Variants in CPEB4 observed in about 807,000 individuals in gnomAD.
The protein encoded by CPEB4 is cytoplasmic polyadenylation element binding protein 4.
A neutral mutation model predicts 72.5 loss-of-function variants in CPEB4; 12 were observed. The ratio of observed to expected loss-of-function variants is 0.17; its 90% CI spans 0.11 to 0.27. CPEB4 has a LOEUF of 0.27. Ranked by LOEUF, CPEB4 falls within the 10% of genes least tolerant of loss-of-function variation. The pLI is 1.00. For synonymous variants in CPEB4, 302 were observed against 326.3 expected, an observed-to-expected ratio of 0.93 and a Z score of 0.80; for missense variants, 614 against 908.5, an observed-to-expected ratio of 0.68 and a Z score of 4.17.
intron 2 of CPEB4, among the ~76,000 whole-genome samples, chr5:173,927,386 G>A (rs1381777872): frequency 6.6e-6 from 1 of 152,232 alleles, no homozygotes; most frequent in East Asian, 1.9e-4. Context: ...GGGCTTTAAT[G>A]TAAAAGAGGT....
At chr5:173,906,524 A>G (rs1435624201) in intron 1 of CPEB4, among the ~76,000 whole-genome samples, 1 of 152,232 alleles carries the variant, frequency 6.6e-6, no homozygotes, top group Non-Finnish European at 1.5e-5. Context: ...GGGGAAGAAT[A>G]CATATTAGAC....
At chr5:173,913,062 T>C (rs1756724206) in intron 2 of CPEB4, among the ~76,000 whole-genome samples, 1 of 152,198 alleles carries the variant, frequency 6.6e-6, no homozygotes, top group Non-Finnish European at 1.5e-5. Context: ...AATCATTTTC[T>C]AAGTGCCTAT....
Position 173,889,584 on chromosome 5 carries a change from AAGGT to A in CPEB4, c.-149_-146del, listed in dbSNP as rs1277962793. On this transcript the variant is annotated 5_prime_UTR_variant, in exon 1 of 10. Transcript: ENST00000265085. ...CCAGAATTCCAAATCAGAACAATTT[AAGGT>A]GATAAGCTGCGATCTTTGAGCTAGC... 1 of 640,136 alleles carries A rather than the reference AAGGT, an allele frequency of 1.6e-6. No individual in the cohort carries two copies. The highest frequency in any genetic ancestry group is 1.8e-5 in the African/African-American group (1 of 54,090). The allele number at this position is 640,136 out of a possible 1,614,324, so 39.7% of individuals were successfully genotyped here.
At chr5:173,939,957 A>G (rs1347576088) in intron 3 of CPEB4, among the ~76,000 whole-genome samples, 1 of 101,084 alleles carries the variant, frequency 9.9e-6, no homozygotes, top group African/African-American at 2.9e-5. Flanking sequence ...AATAAAATAC[A>G]AAAAAAAAAA....
intron 1 of CPEB4, among the ~76,000 whole-genome samples, chr5:173,906,959 A>G (rs1756458466): frequency 1.3e-5 from 2 of 152,224 alleles, no homozygotes; most frequent in Admixed American, 1.3e-4. Flanking sequence ...AATTCCATTC[A>G]TAATACCACA....
chr5:173,921,989 T>C (rs1043975765), intron 2 of CPEB4, among the ~76,000 whole-genome samples: 2 of 152,174 alleles, frequency 1.3e-5, no homozygotes, highest in African/African-American at 4.8e-5. Context: ...TTTGTGGTCT[T>C]CATTTTACAG....
At chr5:173,945,243 GC>G (rs1757980130) in intron 5 of CPEB4, 103 bp downstream of exon 5, 1 of 946,236 alleles carries the variant, frequency 1.1e-6, no homozygotes, top group Non-Finnish European at 1.6e-6. Flanking sequence ...CCAATAGTCA[GC>G]CCTGCTTGCA....
Position 173,899,663 on chromosome 5 carries a change from C to A in CPEB4, c.1125+8805C>A, listed in dbSNP as rs543992065. On this transcript the variant is annotated intron_variant, in intron 1 of 9. Transcript: ENST00000265085. ...CACTTCTGTGGACTTGTGGGCAAGA[C>A]CTCTGAAAGGAAAGATGAGTGAGAG... Among the ~76,000 whole-genome samples, 12 of 152,264 alleles carry A rather than the reference C, an allele frequency of 7.9e-5. No individual in the cohort carries two copies. The East Asian group carries it at 2.3e-3, about 29-fold the overall frequency.
intron 2 of CPEB4, among the ~76,000 whole-genome samples, chr5:173,913,320 C>T (rs1429334419): frequency 1.3e-5 from 2 of 152,056 alleles, no homozygotes; most frequent in Non-Finnish European, 2.9e-5. Context: ...GTCTCAGCCT[C>T]CCAAGCAGCT....
chr5:173,950,239 G>A lies in CPEB4; in HGVS notation c.1665+161G>A, dbSNP rs1252788948. On this transcript the variant is annotated intron_variant, in intron 7 of 9. Transcript: ENST00000265085. The surrounding 1 kb of genome is among the most constrained non-coding windows in gnomAD (Gnocchi z 5.0). ...GTGAAGTTCTTAACATTGACATTCT[G>A]TGTATTTGCACATCTCAATTTGACA... Among the ~76,000 whole-genome samples, 1 of 152,184 alleles carries A rather than the reference G, an allele frequency of 6.6e-6. No homozygotes were observed. The highest frequency in any genetic ancestry group is 1.5e-5 in the Non-Finnish European group (1 of 68,038).
At chr5:173,954,169 G>C (rs185914011) in intron 9 of CPEB4, among the ~76,000 whole-genome samples, 23 of 152,094 alleles carry the variant, frequency 1.5e-4, no homozygotes, top group Non-Finnish European at 3.2e-4. Flanking sequence ...TGATTTTATC[G>C]TGTTGTTCTC....
intron 1 of CPEB4, among the ~76,000 whole-genome samples, chr5:173,903,574 A>G (rs1756316822): frequency 6.6e-6 from 1 of 152,210 alleles, no homozygotes; most frequent in African/African-American, 2.4e-5. Context: ...TTTTAACAAG[A>G]ACTCCAGGTG....
intron 3 of CPEB4, among the ~76,000 whole-genome samples, chr5:173,939,139 AT>A (rs1181162579): frequency 6.6e-6 from 1 of 152,190 alleles, no homozygotes; most frequent in African/African-American, 2.4e-5. Flanking sequence ...TAAAAATAAA[AT>A]AAAAAGTAAA....
rs1169710391 is a variant in CPEB4, at chr5:173,889,630, C to G, written c.-104C>G. ...TGAGCTAGCTATAAATAAGACATTTCAAGCAAGCAAGCAAACAACTTAAAT... is the reference window on the plus strand; with the variant it reads ...TGAGCTAGCTATAAATAAGACATTTGAAGCAAGCAAGCAAACAACTTAAAT... On this transcript the variant is annotated 5_prime_UTR_variant, in exon 1 of 10. Transcript: ENST00000265085. 5 of 968,590 alleles carry G rather than the reference C, an allele frequency of 5.2e-6. No individual in the cohort carries two copies. The highest frequency in any genetic ancestry group is 1.6e-5 in the African/African-American group (1 of 61,346). 60.0% of individuals were successfully genotyped at this position (968,590 alleles called of 1,614,324 possible).
At chr5:173,939,386 T>G (rs998740574) in intron 3 of CPEB4, among the ~76,000 whole-genome samples, 1 of 152,162 alleles carries the variant, frequency 6.6e-6, no homozygotes, top group African/African-American at 2.4e-5. Context: ...TGCCACCTAC[T>G]AGGTGTTTCT....
chr5:173,960,753 T>C lies in CPEB4; in HGVS notation c.*4616T>C, dbSNP rs1758522978. The C allele has an allele frequency of 6.6e-6, 1 of 152,350 alleles. No individual in the cohort carries two copies. The allele number at this position is 152,350 out of a possible 1,614,324, so 9.4% of individuals were successfully genotyped here. On this transcript the variant is annotated 3_prime_UTR_variant, in exon 10 of 10. Coordinates refer to ENST00000265085, the MANE Select transcript of CPEB4 (RefSeq NM_030627.4). ...ATTTGTGGCCACACTACCAAAGGGC[T>C]TGAAAACAAGTCTCTTTTGACTTCC...
chr5:173,896,820 G>A (rs1756031895), intron 1 of CPEB4, among the ~76,000 whole-genome samples: 1 of 152,198 alleles, frequency 6.6e-6, no homozygotes, highest in South Asian at 2.1e-4. Flanking sequence ...AGTACTTTGG[G>A]AGGCCGAGGT....
rs1259677612 is a variant in CPEB4, at chr5:173,961,160, T to A, written c.*5023T>A. ...GAGATTACTGAGGGTAAGGGCAGGC[T>A]GGACAGCTTCCCCTTTCTCTCATCT... On this transcript the variant is annotated 3_prime_UTR_variant, in exon 10 of 10. Transcript: ENST00000265085. 6.6e-6 allele frequency: 1 copy of A among 152,174 alleles called. No homozygotes were observed. The highest frequency in any genetic ancestry group is 1.5e-5 in the Non-Finnish European group (1 of 68,034). 9.4% of individuals were successfully genotyped at this position (152,174 alleles called of 1,614,324 possible).
chr5:173,951,508 T>C (rs997836910), intron 7 of CPEB4, among the ~76,000 whole-genome samples: 3 of 152,182 alleles, frequency 2.0e-5, no homozygotes, highest in Non-Finnish European at 2.9e-5. Context: ...ATTATGTAGA[T>C]ATTGAGGCAT....
Sources: gnomAD v4.1 joint callset for allele counts (sites outside exome capture counted in the v4.1 genomes callset) on GRCh38, gnomAD v4.1.1 for gene constraint, Gnocchi (gnomAD v3.1) non-coding constraint, MANE v1.5 for transcripts, NCBI Gene and HGNC (gene_info 2026-07-23, HGNC 2026-07-21) for gene names.